UNC80: variants seen among roughly 807,000 people sequenced by gnomAD.
The protein encoded by UNC80 is protein unc-80 homolog.
UNC80 carries 164 observed loss-of-function variants against 384.6 expected under a neutral mutation model. The observed-to-expected ratio is 0.43, with a 90% confidence interval of 0.38 to 0.49. UNC80 has a LOEUF of 0.49. Among genes scored for constraint, UNC80 ranks in the 20% least tolerant of loss-of-function variants. The pLI, the probability that UNC80 is intolerant of heterozygous loss-of-function variation, is 0.00. For synonymous variants in UNC80, 1,486 were observed against 1,527.8 expected, an observed-to-expected ratio of 0.97 and a Z score of 0.64; for missense variants, 3,330 against 4,143.0, an observed-to-expected ratio of 0.80 and a Z score of 5.39.
intron 29 of UNC80, among the ~76,000 whole-genome samples, chr2:209,910,272 C>T (rs1002005618): frequency 1.3e-5 from 2 of 151,266 alleles, no homozygotes; most frequent in Non-Finnish European, 2.9e-5. Flanking sequence ...TCTAACTCTT[C>T]AAAGGACCAC....
chr2:209,841,329 T>A (rs1156958149), intron 20 of UNC80, among the ~76,000 whole-genome samples: 1 of 152,152 alleles, frequency 6.6e-6, no homozygotes, highest in Non-Finnish European at 1.5e-5. Context: ...TTTTGTTCCT[T>A]GTGGGTTTTT....
At position 209,820,405 on chromosome 2, in the gene UNC80, T is replaced by G; in HGVS notation, c.2057T>G (p.Leu686Arg). Residue 686 changes from leucine (L) to arginine (R), a missense_variant, in exon 13 of 65, where the codon CTT (leucine) becomes CGT (arginine). Leu to Arg is a moderately radical substitution (Grantham distance 102, BLOSUM62 -2). Around this residue, in one of 8 missense-constraint regions of UNC80, gnomAD observed 937 missense variants for 1,026.8 expected, o/e 0.91. Transcript: ENST00000673920. Reference protein sequence around the residue: ...ALNIVECLLQLGVVPCVEKNR... With the variant: ...ALNIVECLLQRGVVPCVEKNR... ...AACATTGTGGAATGCTTGCTTCAAC[T>G]TGGTGTGGTGCCCTGTGTAGAAAAG... 1.3e-6 allele frequency: 2 copies of G among 1,551,896 alleles called. No individual in the cohort carries two copies. Among genetic ancestry groups the G allele is most frequent in the Non-Finnish European group, 1.7e-6 (2 of 1,147,012 alleles).
chr2:209,775,462 A>G (rs1477308077), intron 2 of UNC80, among the ~76,000 whole-genome samples: 1 of 152,114 alleles, frequency 6.6e-6, no homozygotes, highest in African/African-American at 2.4e-5. Flanking sequence ...CATAAATTCT[A>G]TTTCTCAAGA....
chr2:209,816,065 T>A (rs1191369289), intron 9 of UNC80, among the ~76,000 whole-genome samples: 1 of 152,248 alleles, frequency 6.6e-6, no homozygotes, highest in Non-Finnish European at 1.5e-5. Flanking sequence ...CTGAAAGTGT[T>A]GCTAAGTAAG....
rs529325431 is a variant in UNC80 at position 209,928,836 on chromosome 2, T to A, written c.5807-1035T>A. On this transcript the variant is annotated intron_variant, in intron 36 of 64. Transcript: ENST00000673920. ...ACCTTTCCCATGCCTCCCTCCCGCC[T>A]CCCCTTCCTAGCCTCTAGTTAGCAC... Among the ~76,000 whole-genome samples the A allele has an allele frequency of 6.6e-5, 10 of 152,224 alleles. No homozygotes were observed. In the East Asian group the frequency reaches 1.2e-3, roughly 18 times the overall value.
chr2:209,869,900 G>A (rs1223209623), intron 22 of UNC80, among the ~76,000 whole-genome samples: 4 of 152,052 alleles, frequency 2.6e-5, no homozygotes, highest in East Asian at 1.9e-4. Flanking sequence ...ATTGAAATTG[G>A]TTTTGATTCA....
intron 47 of UNC80, among the ~76,000 whole-genome samples, chr2:209,950,916 G>C (rs1410692719): frequency 6.6e-6 from 1 of 151,852 alleles, no homozygotes; most frequent in Admixed American, 6.6e-5. Flanking sequence ...CTCACGCCTG[G>C]AATCCCAGCA....
chr2:209,975,066 T>G lies in UNC80; in HGVS notation c.8588-1053T>G, dbSNP rs188789927. 7.7e-4 allele frequency among the ~76,000 whole-genome samples: 118 copies of G among 152,348 alleles called. 1 individual carries two copies. Among genetic ancestry groups the G allele is most frequent in the African/African-American group, 2.5e-3 (105 of 41,582 alleles). On this transcript the variant is annotated intron_variant, in intron 56 of 64. Transcript: ENST00000673920. ...TGTGTTACATGGCATGGTTCTCTCC[T>G]GGAAACATCCTAAAGATGGTAAAGG...
intron 43 of UNC80, among the ~76,000 whole-genome samples, chr2:209,940,357 A>T (rs1033844310): frequency 3.3e-5 from 5 of 152,208 alleles, no homozygotes; most frequent in Non-Finnish European, 5.9e-5. Context: ...TCAAAATTCA[A>T]TGAACTCTAA....
intron 4 of UNC80, among the ~76,000 whole-genome samples, chr2:209,785,297 T>A (rs2077362630): frequency 6.6e-6 from 1 of 152,180 alleles, no homozygotes; most frequent in African/African-American, 2.4e-5. Context: ...AGATATAATC[T>A]CAGAATGTCA....
chr2:209,775,313 TCTTTATTCC>T (rs201000867), intron 2 of UNC80, among the ~76,000 whole-genome samples: 6,522 of 152,264 alleles, frequency 0.043, 184 homozygotes, highest in Middle Eastern at 0.088. Flanking sequence ...TTCCTTTCTT[TCTTTATTCC>T]ACAGATATAT....
In UNC80 at chr2:209,867,261, A is replaced by C. The variant is rs551115287; in HGVS notation, c.3628-5497A>C. On this transcript the variant is annotated intron_variant, in intron 22 of 64. Coordinates refer to ENST00000673920, the MANE Select transcript of UNC80 (RefSeq NM_001371986.1). ...ATCTGGGGATGGAGCTAAGGAATTT[A>C]TTTTATCCATCTTCCTAAGTGACGC... 9.2e-5 allele frequency among the ~76,000 whole-genome samples: 14 copies of C among 152,286 alleles called. No individual in the cohort carries two copies. The East Asian group carries it at 1.4e-3, about 15-fold the overall frequency.
chr2:209,879,597 C>G (rs1294996152), intron 24 of UNC80, among the ~76,000 whole-genome samples: 1 of 152,158 alleles, frequency 6.6e-6, no homozygotes, highest in African/African-American at 2.4e-5. Flanking sequence ...AAAGTCTATA[C>G]TGAATGTCTA....
rs529804987 is a variant in UNC80 at position 209,958,882 on chromosome 2, G to A, written c.7551-237G>A. ...GTTTGTATATATTTTTATAATAGTC[G>A]TCTTTACCCAAATCACGCAACAATA... On this transcript the variant is annotated intron_variant, in intron 49 of 64. Transcript: ENST00000673920. 8.3e-4 allele frequency among the ~76,000 whole-genome samples: 127 copies of A among 152,170 alleles called. 1 individual carries two copies. The highest frequency in any genetic ancestry group is 4.7e-3 in the Admixed American group (72 of 15,278).
chr2:209,814,671 G>A (rs533774285), intron 8 of UNC80, among the ~76,000 whole-genome samples: 51 of 152,254 alleles, frequency 3.3e-4, no homozygotes, highest in African/African-American at 1.2e-3. Flanking sequence ...CATGGCAATT[G>A]CTTTTTGGTA....
At chr2:209,986,709 A>G (rs2093297305) in intron 61 of UNC80, among the ~76,000 whole-genome samples, 1 of 152,124 alleles carries the variant, frequency 6.6e-6, no homozygotes, top group African/African-American at 2.4e-5. Context: ...TGGGAAGATG[A>G]GGCATTCACT....
chr2:209,835,925 A>G (rs1278015065), intron 18 of UNC80, among the ~76,000 whole-genome samples: 1 of 152,202 alleles, frequency 6.6e-6, no homozygotes, highest in African/African-American at 2.4e-5. Flanking sequence ...AAATCTTAGA[A>G]ATTTTGTAGT....
At chr2:209,942,258 A>G (rs1315982426) in intron 44 of UNC80, among the ~76,000 whole-genome samples, 1 of 152,180 alleles carries the variant, frequency 6.6e-6, no homozygotes, top group African/African-American at 2.4e-5. Flanking sequence ...GGTCCATGAA[A>G]AAATTGTCTT....
chr2:209,790,922 A>G (rs190944824), intron 6 of UNC80, among the ~76,000 whole-genome samples: 116 of 152,290 alleles, frequency 7.6e-4, no homozygotes, highest in African/African-American at 2.6e-3. Context: ...TTTAATTAAC[A>G]GGGTATTTTT....
Sources: allele counts gnomAD v4.1 joint callset (sites outside exome capture counted in the v4.1 genomes callset), GRCh38; gene constraint gnomAD v4.1.1; regional missense constraint gnomAD v4.1.1; transcripts MANE v1.5; gene names NCBI Gene and HGNC (gene_info 2026-07-23, HGNC 2026-07-21).